The following AAK1 variants were observed in gnomAD, a reference collection of about 807,000 sequenced individuals.
The protein encoded by AAK1 is AP2 associated kinase 1, also known as AP2-associated protein kinase 1.
AAK1 carries 37 observed loss-of-function variants against 116.0 expected under a neutral mutation model. The ratio of observed to expected loss-of-function variants is 0.32; its 90% CI spans 0.25 to 0.42. The LOEUF (loss-of-function observed/expected upper bound fraction) is 0.42, where lower values mean the gene tolerates loss of function less well. AAK1 is among the 10% of genes least tolerant of loss of function. The pLI is 1.00. For synonymous variants in AAK1, 458 were observed against 439.9 expected (o/e 1.04, Z -0.51); for missense variants, 919 against 1,170.6 (o/e 0.79, Z 3.14).
intron 2 of AAK1, among the ~76,000 whole-genome samples, chr2:69,610,885 G>A (rs957416385): frequency 5.3e-5 from 8 of 152,226 alleles, no homozygotes; most frequent in African/African-American, 1.7e-4. Flanking sequence ...TTTTGGTGAG[G>A]ATGTGGAATA....
intron 2 of AAK1, among the ~76,000 whole-genome samples, chr2:69,571,117 T>C (rs563848531): frequency 1.3e-5 from 2 of 152,218 alleles, no homozygotes; most frequent in African/African-American, 4.8e-5. Flanking sequence ...TTTATTTTTA[T>C]TCATTGTACG....
intron 2 of AAK1, among the ~76,000 whole-genome samples, chr2:69,571,620 T>C (rs1326648798): frequency 1.3e-5 from 2 of 152,208 alleles, no homozygotes; most frequent in Non-Finnish European, 2.9e-5. Context: ...CAGGCTTTAA[T>C]AGAAACTACC....
chr2:69,609,510 C>T (rs1027104197), intron 2 of AAK1, among the ~76,000 whole-genome samples: 29 of 151,446 alleles, frequency 1.9e-4, no homozygotes, highest in African/African-American at 7.1e-4. Flanking sequence ...GGCAAAACTC[C>T]GTTTCTACTA....
intron 2 of AAK1, among the ~76,000 whole-genome samples, chr2:69,612,164 G>A (rs1355196581): frequency 6.6e-6 from 1 of 152,128 alleles, no homozygotes; most frequent in Non-Finnish European, 1.5e-5. Context: ...TTATCCAACT[G>A]GGGATTTATT....
In AAK1 at chr2:69,643,716, T is replaced by C; in HGVS notation, c.-376A>G. On this transcript the variant is annotated 5_prime_UTR_variant, in exon 1 of 22. Transcript: ENST00000409085. ...CGGCTCCCGCCCGCCCGCCAGCTGA[T>C]CCCGGGAGCGCCGGGCGGAGACTGA... 2.5e-6 allele frequency: 3 copies of C among 1,213,110 alleles called. No homozygotes were observed. The highest frequency in any genetic ancestry group is 3.2e-4 in the Middle Eastern group (1 of 3,092). 75.1% of individuals were successfully genotyped at this position (1,213,110 alleles called of 1,614,324 possible).
intron 3 of AAK1, among the ~76,000 whole-genome samples, chr2:69,547,399 C>T (rs1005129746): frequency 2.0e-5 from 3 of 151,900 alleles, no homozygotes; most frequent in Non-Finnish European, 2.9e-5. Flanking sequence ...TGTGAAGAAC[C>T]CTTACAACTC....
intron 17 of AAK1, 103 bp downstream of exon 17, chr2:69,495,882 G>A (rs1173533935): frequency 6.6e-6 from 6 of 911,472 alleles, no homozygotes; most frequent in Non-Finnish European, 9.8e-6. Context: ...ATTAGGGCTT[G>A]GAATTCAGAT....
intron 7 of AAK1, 51 bp downstream of exon 7, chr2:69,530,574 A>G (rs1670213958): frequency 6.8e-7 from 1 of 1,479,334 alleles, no homozygotes; most frequent in East Asian, 2.3e-5. Flanking sequence ...TTGGGAATTC[A>G]CAGTCAAGAC....
Position 69,486,566 on chromosome 2 carries a change from A to G in AAK1, c.2366-3754T>C, listed in dbSNP as rs555954247. On this transcript the variant is annotated intron_variant, in intron 17 of 21. Transcript: ENST00000409085. ...TCTATGTAAGGTGGACAGCTGTGCG[A>G]AAAGCTACTTGGACTCCCAGGACTC... 2.6e-5 allele frequency among the ~76,000 whole-genome samples: 4 copies of G among 152,296 alleles called. No homozygotes were observed. In the East Asian group the frequency reaches 7.7e-4, roughly 29 times the overall value.
rs2104858853 is a variant in AAK1 at position 69,465,425 on chromosome 2, C to T, written c.*10444G>A. ...GAGGCTTGAGGCTCAGGTTTTGCTC[C>T]TAGGGTTTCTTGCCTGATTTTGAAG... On this transcript the variant is annotated 3_prime_UTR_variant, in exon 22 of 22. Transcript: ENST00000409085. 7.8e-7 allele frequency: 1 copy of T among 1,284,484 alleles called. No individual in the cohort carries two copies. The highest frequency in any genetic ancestry group is 1.5e-5 in the African/African-American group (1 of 65,846). 79.6% of individuals were successfully genotyped at this position (1,284,484 alleles called of 1,614,324 possible).
chr2:69,593,563 T>C (rs1364257417), intron 2 of AAK1, among the ~76,000 whole-genome samples: 2 of 152,108 alleles, frequency 1.3e-5, no homozygotes, highest in Admixed American at 1.3e-4. Flanking sequence ...AGAAAAGGGC[T>C]GAAGAGCTAA....
chr2:69,631,540 C>T (rs1675174330), intron 2 of AAK1, among the ~76,000 whole-genome samples: 1 of 152,170 alleles, frequency 6.6e-6, no homozygotes, highest in African/African-American at 2.4e-5. Context: ...ACACAGAGCC[C>T]AAGGAGAAAA....
At chr2:69,494,407 C>T (rs1019821774) in intron 17 of AAK1, among the ~76,000 whole-genome samples, 2 of 152,200 alleles carry the variant, frequency 1.3e-5, no homozygotes, top group Admixed American at 1.3e-4. Context: ...ACTCCTGTGA[C>T]AGCTGCACAG....
rs1237823140 is a variant in AAK1, at chr2:69,509,450, G to A, written c.1787C>T (p.Pro596Leu). ...CTGAACCTTTGGCTGTTGTCTTACT[G>A]GGGCTTGAATCTGCTAGGAAGAGAG... is the stretch of plus-strand genomic sequence containing the variant. Reference protein sequence around the residue: ...APAQEPAIQAPVRQQPKVQTT... With the variant: ...APAQEPAIQALVRQQPKVQTT... The change falls in exon 14 of 22, where the codon CCA becomes CTA. Residue 596 changes from proline to leucine, a missense_variant. Pro to Leu is a moderately conservative substitution (Grantham distance 98). Transcript: ENST00000409085. 1.9e-6 allele frequency: 3 copies of A among 1,613,542 alleles called. No individual in the cohort carries two copies. Among genetic ancestry groups the A allele is most frequent in the Non-Finnish European group, 2.5e-6 (3 of 1,179,664 alleles).
intron 15 of AAK1, among the ~76,000 whole-genome samples, chr2:69,506,204 G>T (rs995211448): frequency 3.9e-5 from 6 of 152,046 alleles, no homozygotes; most frequent in African/African-American, 1.5e-4. Flanking sequence ...AAAACTCAGG[G>T]GCTAGTTATT....
chr2:69,480,771 G>A, intron 19 of AAK1, 89 bp downstream of exon 19: 1 of 1,127,128 alleles, frequency 8.9e-7, no homozygotes, highest in Non-Finnish European at 1.3e-6. Context: ...TTCAAAATAA[G>A]CCCAGGAACG....
chr2:69,474,401 T>C lies in AAK1; in HGVS notation c.*1468A>G, dbSNP rs1674778951. ...TGATTTTATAAAAGTGCTTTCCACA[T>C]AAGGAAATAAAATACACTTTAATGA... is the stretch of plus-strand genomic sequence containing the variant. On this transcript the variant is annotated 3_prime_UTR_variant, in exon 22 of 22. Transcript: ENST00000409085. The C allele has an allele frequency of 3.0e-6, 3 of 985,696 alleles. No homozygotes were observed. The African/African-American group carries it at 5.2e-5, about 17-fold the overall frequency. The allele number at this position is 985,696 out of a possible 1,614,324, so 61.1% of individuals were successfully genotyped here.
rs1156753948 is a variant in AAK1, at chr2:69,633,174, G to A, written c.163+9704C>T. Reference sequence around the variant, plus strand: ...GTGGAGCTTGCAGTGAGCCGAGATCGCGCCACTGCACTCCAGCCTGGGCAA... The same window carrying A: ...GTGGAGCTTGCAGTGAGCCGAGATCACGCCACTGCACTCCAGCCTGGGCAA... On this transcript the variant is annotated intron_variant, in intron 2 of 21. Transcript: ENST00000409085. 4.7e-5 allele frequency among the ~76,000 whole-genome samples: 7 copies of A among 148,616 alleles called. No homozygotes were observed. In the East Asian group the frequency reaches 6.0e-4, roughly 13 times the overall value.
chr2:69,623,842 A>G (rs1286672781), intron 2 of AAK1, among the ~76,000 whole-genome samples: 1 of 152,202 alleles, frequency 6.6e-6, no homozygotes, highest in Non-Finnish European at 1.5e-5. Context: ...ATCTGCAAAA[A>G]GCCCACTATT....
Sources: gnomAD v4.1 joint callset for allele counts (sites outside exome capture counted in the v4.1 genomes callset) on GRCh38, gnomAD v4.1.1 for gene constraint, MANE v1.5 for transcripts, NCBI Gene and HGNC (gene_info 2026-07-23, HGNC 2026-07-21) for gene names.